PCDHGA6: variants seen among roughly 807,000 people sequenced by gnomAD.
The protein encoded by PCDHGA6 is protocadherin gamma-A6.
In PCDHGA6, 41 loss-of-function variants were observed where a neutral mutation model predicts 60.6. That is an observed-to-expected ratio of 0.68 (90% confidence interval 0.53 to 0.88). The LOEUF (loss-of-function observed/expected upper bound fraction) is 0.88, where lower values mean the gene tolerates loss of function less well. Among genes scored for constraint, PCDHGA6 ranks in the 40% least tolerant of loss-of-function variants. The pLI, the probability that PCDHGA6 is intolerant of heterozygous loss-of-function variation, is 0.00. For synonymous variants in PCDHGA6, 594 were observed against 524.4 expected (o/e 1.13, Z -1.81); for missense variants, 1,312 against 1,203.0 (o/e 1.09, Z -1.34).
Position 141,486,274 on chromosome 5 carries a change from T to A in PCDHGA6, c.2425-8533T>A. On this transcript the variant is annotated intron_variant, in intron 1 of 3. Coordinates refer to ENST00000517434, the MANE Select transcript of PCDHGA6 (RefSeq NM_018919.3). The surrounding 1 kb of genome is among the most constrained non-coding windows in gnomAD (Gnocchi z 5.0). ...TCCCCGAGAGTGCAGAACCTGGCAC[T>A]GTGGTGGCACTTATCAGTGTGCAGG... is the stretch of plus-strand genomic sequence containing the variant. 5 of 1,614,064 alleles carry A rather than the reference T, an allele frequency of 3.1e-6. No homozygotes were observed. The highest frequency in any genetic ancestry group is 4.2e-6 in the Non-Finnish European group (5 of 1,179,998).
At chr5:141,421,065 A>C in intron 1 of PCDHGA6, 1 of 591,556 alleles carries the variant, frequency 1.7e-6, no homozygotes. Flanking sequence ...CACAAAGCGG[A>C]ATGAGATGGA....
intron 1 of PCDHGA6, chr5:141,409,037 T>A: frequency 3.7e-6 from 6 of 1,613,992 alleles, no homozygotes; most frequent in Non-Finnish European, 5.1e-6. Context: ...TGAGATAAAC[T>A]ACTACTTCCG....
intron 1 of PCDHGA6, chr5:141,418,245 A>G: frequency 5.6e-6 from 9 of 1,614,046 alleles, no homozygotes; most frequent in Non-Finnish European, 7.6e-6. Flanking sequence ...GTTAATGACC[A>G]CGCCCCTCAA....
chr5:141,376,530 G>C (rs200613052), intron 1 of PCDHGA6, 23 bp downstream of exon 1: 3 of 1,613,550 alleles, frequency 1.9e-6, no homozygotes, highest in African/African-American at 1.3e-5. Context: ...CCGCCTAAGC[G>C]GGAAGAGTAA....
Position 141,485,256 on chromosome 5 carries a change from G to A in PCDHGA6, c.2425-9551G>A, listed in dbSNP as rs770176450. The A allele has an allele frequency of 6.2e-7, 1 of 1,614,186 alleles. No homozygotes were observed. Among genetic ancestry groups the A allele is most frequent in the Non-Finnish European group, 8.5e-7 (1 of 1,179,996 alleles). On this transcript the variant is annotated intron_variant, in intron 1 of 3. Transcript: ENST00000517434. The surrounding 1 kb of genome is among the most constrained non-coding windows in gnomAD (Gnocchi z 5.7). ...CTCTTTTACCACCTGGGTTACGTTTGTGGGCAGATCCGCTACCCGGTCCCA... is the reference window on the plus strand; with the variant it reads ...CTCTTTTACCACCTGGGTTACGTTTATGGGCAGATCCGCTACCCGGTCCCA...
In PCDHGA6 at chr5:141,408,237, G is replaced by C. The variant is rs1445060280; in HGVS notation, c.2424+31730G>C. 3.2e-6 allele frequency: 5 copies of C among 1,575,002 alleles called. No individual in the cohort carries two copies. In the South Asian group the frequency reaches 4.6e-5, roughly 14 times the overall value. On this transcript the variant is annotated intron_variant, in intron 1 of 3. Transcript: ENST00000517434. ...AGCTGCGCGCAGAGGCGCCGGGCCG[G>C]CCCGCGGCAGGTGCTATTTCCTTTG...
Position 141,376,474 on chromosome 5 carries a change from A to G in PCDHGA6, c.2391A>G (p.Leu797=). The change falls in exon 1 of 4, where the codon TTA becomes TTG. Residue 797 remains leucine (L), a synonymous_variant. Coordinates refer to ENST00000517434, the MANE Select transcript of PCDHGA6 (RefSeq NM_018919.3). ...AGCCTCTTCTGATAACTCAGGATTTACTTGAAACGAAAGGAGAACCCAGGC... is the reference window on the plus strand; with the variant it reads ...AGCCTCTTCTGATAACTCAGGATTTGCTTGAAACGAAAGGAGAACCCAGGC... The part of the protein sequence containing the change: ...KSEPLLITQD[L]LETKGEPRQL... 3.1e-6 allele frequency: 5 copies of G among 1,614,136 alleles called. No homozygotes were observed. The highest frequency in any genetic ancestry group is 3.4e-6 in the Non-Finnish European group (4 of 1,180,010).
At chr5:141,428,141 G>A (rs1314061143) in intron 1 of PCDHGA6, 1 of 1,596,618 alleles carries the variant, frequency 6.3e-7, no homozygotes, top group Non-Finnish European at 8.6e-7. Context: ...GCCTGGGGCT[G>A]CACACGGGAA....
intron 1 of PCDHGA6, among the ~76,000 whole-genome samples, chr5:141,436,010 A>G (rs1188507054): frequency 6.6e-6 from 1 of 152,168 alleles, no homozygotes; most frequent in Non-Finnish European, 1.5e-5. Context: ...AAGTATTTGA[A>G]TTTATCTAAA....
Position 141,505,488 on chromosome 5 carries a change from G to A in PCDHGA6, c.2572+7G>A. On this transcript the variant is annotated splice_region_variant and intron_variant, in intron 3 of 3. Transcript: ENST00000517434. Reference sequence around the variant, plus strand: ...ATCTTGGCGTCCGCCAGTGGTAAGTGGTGTCAGTGTGTGTATGGAAGAGTG... The same window carrying A: ...ATCTTGGCGTCCGCCAGTGGTAAGTAGTGTCAGTGTGTGTATGGAAGAGTG... The A allele has an allele frequency of 6.2e-7, 1 of 1,614,222 alleles. No individual in the cohort carries two copies. The highest frequency in any genetic ancestry group is 8.5e-7 in the Non-Finnish European group (1 of 1,180,018).
At chr5:141,424,982 G>T (rs2096852076) in intron 1 of PCDHGA6, among the ~76,000 whole-genome samples, 1 of 152,106 alleles carries the variant, frequency 6.6e-6, no homozygotes, top group South Asian at 2.1e-4. Context: ...GGATATTTAT[G>T]TTCCCTTTCA....
At chr5:141,406,072 CT>C (rs530474569) in intron 1 of PCDHGA6, among the ~76,000 whole-genome samples, 16,756 of 141,280 alleles carry the variant, frequency 0.12, 1,110 homozygotes, top group African/African-American at 0.2. Flanking sequence ...ATTCTTACTC[CT>C]TTTTTTTTTT....
At chr5:141,480,703 C>T (rs577131684) in intron 1 of PCDHGA6, among the ~76,000 whole-genome samples, 10 of 152,252 alleles carry the variant, frequency 6.6e-5, no homozygotes, top group Admixed American at 1.3e-4. Flanking sequence ...GGCCACACCC[C>T]GACAAATGAA....
intron 1 of PCDHGA6, among the ~76,000 whole-genome samples, chr5:141,381,853 G>A (rs1391897608): frequency 1.4e-5 from 1 of 72,944 alleles, no homozygotes; most frequent in Non-Finnish European, 2.5e-5. Flanking sequence ...TTTTTTGGCA[G>A]AGTTTTGCTC....
chr5:141,427,768 A>C (rs1003238906), intron 1 of PCDHGA6: 4 of 1,393,994 alleles, frequency 2.9e-6, no homozygotes, highest in Non-Finnish European at 4.0e-6. Context: ...ACTGACTTGG[A>C]GCTGCGGGCA....
chr5:141,409,945 T>C (rs777813706), intron 1 of PCDHGA6: 11 of 1,613,312 alleles, frequency 6.8e-6, no homozygotes, highest in Non-Finnish European at 9.3e-6. Flanking sequence ...TACCTCGCTC[T>C]GCAGAGCCCG....
intron 1 of PCDHGA6, chr5:141,398,258 G>T (rs756489359): frequency 2.1e-6 from 3 of 1,454,654 alleles, no homozygotes; most frequent in Non-Finnish European, 2.8e-6. Context: ...ATGCCCAAGG[G>T]CTCCGTAGTG....
At chr5:141,495,175 C>T (rs1337353259) in intron 2 of PCDHGA6, among the ~76,000 whole-genome samples, 1 of 152,182 alleles carries the variant, frequency 6.6e-6, no homozygotes, top group Admixed American at 6.5e-5. Context: ...TGGGTGAAAG[C>T]GAGGCTTTCT....
intron 1 of PCDHGA6, among the ~76,000 whole-genome samples, chr5:141,456,464 A>T (rs1430885015): frequency 6.6e-6 from 1 of 152,192 alleles, no homozygotes; most frequent in Non-Finnish European, 1.5e-5. Flanking sequence ...TCAATACAAG[A>T]CATATAAGCA....
Sources: allele counts gnomAD v4.1 joint callset (sites outside exome capture counted in the v4.1 genomes callset), GRCh38; gene constraint gnomAD v4.1.1; non-coding constraint Gnocchi (gnomAD v3.1); transcripts MANE v1.5; gene names NCBI Gene and HGNC (gene_info 2026-07-23, HGNC 2026-07-21).